Variants in EEA1 observed in about 807,000 individuals in gnomAD.
EEA1 encodes early endosome antigen 1, 162kD.
In EEA1, 111 loss-of-function variants were observed where a neutral mutation model predicts 209.2. That is an observed-to-expected ratio of 0.53 (90% CI 0.45 to 0.62). EEA1 has a LOEUF of 0.62. Ranked by LOEUF, EEA1 falls within the 20% of genes least tolerant of loss-of-function variation. The pLI, the probability that EEA1 is intolerant of heterozygous loss-of-function variation, is 0.00. For missense variants in EEA1, 1,343 were observed against 1,530.8 expected (o/e 0.88, Z 2.05); for synonymous variants, 536 against 540.6 (o/e 0.99, Z 0.12).
Position 92,924,873 on chromosome 12 carries a change from A to G in EEA1, c.24+4170T>C, listed in dbSNP as rs1344794427. On this transcript the variant is annotated intron_variant, in intron 1 of 28. Transcript: ENST00000322349. ...AAAAAAAAAAAAAAAAAAACTACTCAAAAAGAAAATCATTCCATTAGCTGT... is the reference window on the plus strand; with the variant it reads ...AAAAAAAAAAAAAAAAAAACTACTCGAAAAGAAAATCATTCCATTAGCTGT... Among the ~76,000 whole-genome samples, 4 of 150,616 alleles carry G rather than the reference A, an allele frequency of 2.7e-5. No homozygotes were observed. In the East Asian group the frequency reaches 5.8e-4, roughly 22 times the overall value.
intron 18 of EEA1, among the ~76,000 whole-genome samples, chr12:92,803,751 G>C (rs984801087): frequency 4.1e-4 from 62 of 152,104 alleles, no homozygotes; most frequent in African/African-American, 1.3e-3. Flanking sequence ...AGGTTCACAA[G>C]ATATTATTCC....
intron 16 of EEA1, among the ~76,000 whole-genome samples, chr12:92,812,051 C>T (rs1875544129): frequency 6.6e-6 from 1 of 152,044 alleles, no homozygotes; most frequent in Non-Finnish European, 1.5e-5. Flanking sequence ...ACCAATAAAG[C>T]CAGGTGCGGT....
intron 14 of EEA1, among the ~76,000 whole-genome samples, chr12:92,818,805 TG>T (rs1398997974): frequency 6.6e-6 from 1 of 152,206 alleles, no homozygotes; most frequent in African/African-American, 2.4e-5. Context: ...ATTTTAATGC[TG>T]GAACATTAAG....
At chr12:92,858,049 C>T (rs750686093) in intron 3 of EEA1, 116 of 397,448 alleles carry the variant, frequency 2.9e-4, no homozygotes, top group Non-Finnish European at 3.2e-4. Context: ...TCCTTCTCAA[C>T]GCCACTTCCA....
Position 92,855,431 on chromosome 12 carries a change from C to CAAA in EEA1, c.367-1480_367-1478dup, listed in dbSNP as rs56959398. 3.3e-3 allele frequency among the ~76,000 whole-genome samples: 313 copies of CAAA among 96,128 alleles called. 2 individuals are homozygous for CAAA. The highest frequency in any genetic ancestry group is 0.012 in the African/African-American group (293 of 25,458). The allele number at this position is 96,128 out of a possible 152,430, so 63.1% of individuals were successfully genotyped here. A position where few individuals can be genotyped will look rare whatever the true frequency, so the allele number is the denominator to read the frequency against. ...TGGGTGACAGAGCGAGACTCTGTCTCAAAAAAAAAAAAAAAAAAAATGCTA... is the reference window on the plus strand; with the variant it reads ...TGGGTGACAGAGCGAGACTCTGTCTCAAAAAAAAAAAAAAAAAAAAAAATGCTA... On this transcript the variant is annotated intron_variant, in intron 5 of 28. Transcript: ENST00000322349.
In EEA1 at chr12:92,852,985, T is replaced by C. The variant is rs1877701969; in HGVS notation, c.447A>G (p.Thr149=). The stretch of plus-strand genomic sequence containing the variant: ...TCATTTGCTTAATATTAAAATTTTC[T>C]GTTTGGGCTTCTTCTAATTGCTGTT... ...SLEQQLEEAQ[T]ENFNIKQMKD... The change falls in exon 7 of 29, where the codon ACA becomes ACG. Residue 149 remains threonine (T), a synonymous_variant. Transcript: ENST00000322349. 7.4e-6 allele frequency: 12 copies of C among 1,612,068 alleles called. No individual in the cohort carries two copies. In the East Asian group the frequency reaches 2.7e-4, roughly 36 times the overall value.
intron 1 of EEA1, among the ~76,000 whole-genome samples, chr12:92,894,407 G>A (rs1261188847): frequency 1.3e-5 from 2 of 152,180 alleles, no homozygotes; most frequent in Non-Finnish European, 1.5e-5. Context: ...TAATGAGGAA[G>A]GCATGTGGAA....
chr12:92,908,035 T>C (rs1295414144), intron 1 of EEA1, among the ~76,000 whole-genome samples: 2 of 152,110 alleles, frequency 1.3e-5, no homozygotes, highest in Non-Finnish European at 1.5e-5. Flanking sequence ...CCAATGTTCA[T>C]AGCAGCATTA....
intron 20 of EEA1, among the ~76,000 whole-genome samples, chr12:92,801,119 G>A (rs1235951268): frequency 3.3e-5 from 5 of 151,978 alleles, no homozygotes; most frequent in Admixed American, 3.3e-4. Context: ...ATTAACCACA[G>A]AAAAATATTT....
intron 22 of EEA1, among the ~76,000 whole-genome samples, chr12:92,783,122 T>C (rs1437522571): frequency 1.3e-5 from 2 of 152,234 alleles, no homozygotes; most frequent in African/African-American, 4.8e-5. Context: ...GAGGGTGTCA[T>C]GAAAACCCCA....
intron 10 of EEA1, among the ~76,000 whole-genome samples, chr12:92,840,453 C>T (rs1877118935): frequency 6.6e-6 from 1 of 152,166 alleles, no homozygotes; most frequent in Non-Finnish European, 1.5e-5. Context: ...GCTGGGATTA[C>T]AGGCATGTGC....
At chr12:92,829,793 AAAAC>A (rs1317271777) in intron 11 of EEA1, among the ~76,000 whole-genome samples, 1 of 141,730 alleles carries the variant, frequency 7.1e-6, no homozygotes, top group African/African-American at 2.6e-5. Context: ...AAAAAAAAAA[AAAAC>A]AAAAAACAAG....
In EEA1 at chr12:92,852,203, G is replaced by A. The variant is rs146878492; in HGVS notation, c.614C>T (p.Thr205Ile). The change falls in exon 8 of 29, where the codon ACT becomes ATT. Residue 205 changes from threonine to isoleucine, a missense_variant. By Grantham distance (89) the Thr-to-Ile change is moderately conservative (BLOSUM62 -1). Around this residue, in one of 3 missense-constraint regions of EEA1, gnomAD observed 1,307 missense variants for 1,465.5 expected, o/e 0.89. Coordinates refer to ENST00000322349, the MANE Select transcript of EEA1 (RefSeq NM_003566.4). ...TTCCGTCTTCAGATCTTGAATTACA[G>A]TTGCCTCTTTGTTTAATTCTTCTGT... ...RLTEELNKEA[T>I]VIQDLKTELL... is the part of the protein sequence containing the mutation. The A allele has an allele frequency of 1.8e-3, 2,862 of 1,590,634 alleles. 5 individuals are homozygous for A. Among genetic ancestry groups the A allele is most frequent in the Non-Finnish European group, 2.1e-3 (2,467 of 1,169,586 alleles).
chr12:92,796,045 T>C (rs1404068772), intron 21 of EEA1, among the ~76,000 whole-genome samples: 2 of 152,092 alleles, frequency 1.3e-5, no homozygotes, highest in Non-Finnish European at 2.9e-5. Flanking sequence ...CAAAATTCTC[T>C]GTCTTTGAGG....
At chr12:92,928,114 A>G (rs1164929609) in intron 1 of EEA1, among the ~76,000 whole-genome samples, 1 of 151,850 alleles carries the variant, frequency 6.6e-6, no homozygotes, top group African/African-American at 2.4e-5. Context: ...AATCATTTAC[A>G]TTTTGTTACA....
intron 2 of EEA1, among the ~76,000 whole-genome samples, chr12:92,880,919 G>T (rs1879111416): frequency 6.6e-6 from 1 of 152,172 alleles, no homozygotes; most frequent in Non-Finnish European, 1.5e-5. Flanking sequence ...AGAGGGGAAG[G>T]CAGACCAGTT....
At chr12:92,815,279 T>G (rs1875723361) in intron 15 of EEA1, among the ~76,000 whole-genome samples, 1 of 152,170 alleles carries the variant, frequency 6.6e-6, no homozygotes, top group South Asian at 2.1e-4. Context: ...AGCAATATTT[T>G]GTAAAGGAAA....
At chr12:92,880,185 T>G (rs1015787629) in intron 2 of EEA1, among the ~76,000 whole-genome samples, 1 of 152,170 alleles carries the variant, frequency 6.6e-6, no homozygotes, top group Admixed American at 6.5e-5. Flanking sequence ...TCCCATAACC[T>G]GGGGCAAAAT....
chr12:92,907,326 C>T (rs1014492741), intron 1 of EEA1, among the ~76,000 whole-genome samples: 1 of 152,228 alleles, frequency 6.6e-6, no homozygotes, highest in Non-Finnish European at 1.5e-5. Flanking sequence ...CTTGAGAGCA[C>T]CACAAAGTCA....
Sources: gnomAD v4.1 joint callset for allele counts (sites outside exome capture counted in the v4.1 genomes callset) on GRCh38, gnomAD v4.1.1 for gene constraint, gnomAD v4.1.1 regional missense constraint, MANE v1.5 for transcripts, NCBI Gene and HGNC (gene_info 2026-07-23, HGNC 2026-07-21) for gene names.